MS4A5: variants seen among roughly 807,000 people sequenced by gnomAD.
The protein encoded by MS4A5 is membrane-spanning 4-domains subfamily A member 5.
In MS4A5, 15 loss-of-function variants were observed where a neutral mutation model predicts 18.2. The observed-to-expected ratio is 0.83, with a 90% CI of 0.55 to 1.27. MS4A5 has a LOEUF of 1.27. Among genes scored for constraint, MS4A5 ranks in the 50% most tolerant of loss-of-function variants. The pLI is 0.00. For synonymous variants in MS4A5, 89 were observed against 78.7 expected (o/e 1.13, Z -0.69); for missense variants, 232 against 225.7 (o/e 1.03, Z -0.18).
chr11:60,437,589 A>C (rs575426347), intron 4 of MS4A5, among the ~76,000 whole-genome samples: 15 of 152,120 alleles, frequency 9.9e-5, no homozygotes, highest in Admixed American at 5.9e-4. Flanking sequence ...TCTACCAAGC[A>C]AATGGAAAAC....
At chr11:60,437,846 C>T (rs2086089354) in intron 4 of MS4A5, among the ~76,000 whole-genome samples, 2 of 150,156 alleles carry the variant, frequency 1.3e-5, no homozygotes, top group Admixed American at 1.3e-4. Flanking sequence ...ACCCCACTGT[C>T]AACATTAGAC....
At position 60,430,833 on chromosome 11, in the gene MS4A5, T is replaced by C. The variant is rs1400952247; in HGVS notation, c.191T>C (p.Phe64Ser). Residue 64 changes from phenylalanine to serine, a missense_variant, in exon 2 of 5, where the codon TTT (phenylalanine) becomes TCT (serine). Phe to Ser is a radical substitution (Grantham distance 155). Coordinates refer to ENST00000300190, the MANE Select transcript of MS4A5 (RefSeq NM_023945.3). ...CTGTTTGGAATTATGACCTTTTCTT[T>C]TGGAGTTATCTTCCTTTTCACCTTG... The part of the protein sequence containing the change: ...QILFGIMTFS[F>S]GVIFLFTLLK... The C allele has an allele frequency of 1.2e-6, 2 of 1,613,376 alleles. No homozygotes were observed. The highest frequency in any genetic ancestry group is 1.3e-5 in the African/African-American group (1 of 74,888).
intron 2 of MS4A5, among the ~76,000 whole-genome samples, 186 bp from the exon 3 acceptor site, chr11:60,432,225 G>A (rs946499621): frequency 1.3e-5 from 2 of 152,172 alleles, no homozygotes; most frequent in African/African-American, 4.8e-5. Flanking sequence ...GAGATTTCCA[G>A]ACCAGTGTTT....
chr11:60,431,040 A>T (rs908019551), intron 2 of MS4A5, 116 bp downstream of exon 2: 2 of 1,127,362 alleles, frequency 1.8e-6, no homozygotes, highest in East Asian at 2.5e-5. Context: ...AGTGCAAAAA[A>T]CTAACCTTGT....
intron 4 of MS4A5, among the ~76,000 whole-genome samples, chr11:60,435,760 G>A (rs1231099894): frequency 1.1e-4 from 16 of 152,142 alleles, no homozygotes; most frequent in Middle Eastern, 6.8e-3. Flanking sequence ...ATTATATCCC[G>A]CACCTGGCTC....
intron 4 of MS4A5, among the ~76,000 whole-genome samples, chr11:60,436,005 G>A (rs992173293): frequency 6.6e-6 from 1 of 152,192 alleles, no homozygotes; most frequent in Non-Finnish European, 1.5e-5. Context: ...AAAGACAGCA[G>A]TAACCTCTGC....
chr11:60,431,245 C>T (rs1174623324), intron 2 of MS4A5, among the ~76,000 whole-genome samples: 1 of 152,284 alleles, frequency 6.6e-6, no homozygotes, highest in Non-Finnish European at 1.5e-5. Context: ...ACCTCTCAGT[C>T]TAGCAAGAAA....
chr11:60,443,853 C>T (rs1177971896), intron 4 of MS4A5, among the ~76,000 whole-genome samples: 1 of 152,020 alleles, frequency 6.6e-6, no homozygotes, highest in African/African-American at 2.4e-5. Context: ...TTATTTGATG[C>T]ATTAGATGAT....
rs762335664 is a variant in MS4A5, at chr11:60,447,644, T to G, written c.493-5T>G. ...TCATTTTTTTTTCTTCTTCTTCTAT[T>G]ACAGGGAATTTTGATTACATTGATG... On this transcript the variant is annotated splice_region_variant and splice_polypyrimidine_tract_variant and intron_variant, in intron 4 of 4. Transcript: ENST00000300190. 7.3e-6 allele frequency: 11 copies of G among 1,503,894 alleles called. No individual in the cohort carries two copies. The highest frequency in any genetic ancestry group is 9.0e-6 in the Non-Finnish European group (10 of 1,106,732). 93.2% of individuals were successfully genotyped at this position (1,503,894 alleles called of 1,614,324 possible). A position where few individuals can be genotyped will look rare whatever the true frequency, so the allele number is the denominator to read the frequency against.
intron 4 of MS4A5, among the ~76,000 whole-genome samples, chr11:60,442,281 AG>A (rs1480358455): frequency 1.3e-5 from 2 of 152,226 alleles, no homozygotes; most frequent in Non-Finnish European, 2.9e-5. Flanking sequence ...TAATTAACAA[AG>A]GCATTACCTC....
chr11:60,445,071 A>G (rs1190265389), intron 4 of MS4A5, among the ~76,000 whole-genome samples: 1 of 152,038 alleles, frequency 6.6e-6, no homozygotes, highest in African/African-American at 2.4e-5. Flanking sequence ...ATTTCAATTT[A>G]TTATACCGAG....
intron 4 of MS4A5, among the ~76,000 whole-genome samples, chr11:60,440,051 C>G (rs948884592): frequency 2.1e-5 from 3 of 143,560 alleles, no homozygotes; most frequent in African/African-American, 7.6e-5. Flanking sequence ...GTCACCAAAA[C>G]AGCATGGTAC....
At chr11:60,444,002 G>C (rs1175116049) in intron 4 of MS4A5, among the ~76,000 whole-genome samples, 4 of 152,026 alleles carry the variant, frequency 2.6e-5, no homozygotes, top group African/African-American at 9.7e-5. Flanking sequence ...TCTCAAAAAA[G>C]AAAAAGCAAA....
At chr11:60,434,697 A>C (rs1433311011) in intron 4 of MS4A5, among the ~76,000 whole-genome samples, 1 of 152,208 alleles carries the variant, frequency 6.6e-6, no homozygotes, top group Non-Finnish European at 1.5e-5. Flanking sequence ...GGTCAGCTGG[A>C]ACTACTAGAT....
At chr11:60,433,665 G>T in intron 3 of MS4A5, 100 bp from the exon 4 acceptor site, 1 of 1,171,868 alleles carries the variant, frequency 8.5e-7, no homozygotes, top group African/African-American at 1.5e-5. Context: ...GCATTAAGAT[G>T]CTGTGACTAA....
chr11:60,431,407 GTA>G (rs751794180), intron 2 of MS4A5, among the ~76,000 whole-genome samples: 6 of 152,274 alleles, frequency 3.9e-5, no homozygotes, highest in Non-Finnish European at 5.9e-5. Flanking sequence ...CTGCGGAGAG[GTA>G]TTTATTAAAC....
At chr11:60,446,539 C>T (rs146404706) in intron 4 of MS4A5, among the ~76,000 whole-genome samples, 1,597 of 152,172 alleles carry the variant, frequency 0.01, 100 homozygotes, top group Admixed American at 0.093. Context: ...AGGAGTTCAG[C>T]GCTGCCAACA....
At chr11:60,433,315 A>G (rs190554860) in intron 3 of MS4A5, among the ~76,000 whole-genome samples, 23 of 152,376 alleles carry the variant, frequency 1.5e-4, no homozygotes, top group Admixed American at 1.2e-3. Flanking sequence ...AATTGAAGAC[A>G]TAAGATATTA....
rs1214610094 is a variant in MS4A5, at chr11:60,436,652, A to G, written c.492+2735A>G. On this transcript the variant is annotated intron_variant, in intron 4 of 4. Coordinates refer to ENST00000300190, the MANE Select transcript of MS4A5 (RefSeq NM_023945.3). ...AGAAGCCTCAGGAGTCGATGCGATC[A>G]ACTGGAAGAAAGGGTATCAGCGATG... Among the ~76,000 whole-genome samples, 2 of 134,602 alleles carry G rather than the reference A, an allele frequency of 1.5e-5. 1 individual carries two copies. Among genetic ancestry groups the G allele is most frequent in the Non-Finnish European group, 3.3e-5 (2 of 59,958 alleles). 88.3% of individuals were successfully genotyped at this position (134,602 alleles called of 152,430 possible).
Sources: allele counts gnomAD v4.1 joint callset (sites outside exome capture counted in the v4.1 genomes callset), GRCh38; gene constraint gnomAD v4.1.1; transcripts MANE v1.5; gene names NCBI Gene and HGNC (gene_info 2026-07-23, HGNC 2026-07-21).